Variants in NT5C2 observed in about 807,000 individuals in gnomAD.
The protein encoded by NT5C2 is cytosolic purine 5'-nucleotidase.
NT5C2 carries 58 observed loss-of-function variants against 76.1 expected under a neutral mutation model. The observed-to-expected ratio is 0.76, with a 90% confidence interval of 0.62 to 0.95. NT5C2 has a LOEUF of 0.95. NT5C2 is among the 40% of genes least tolerant of loss of function. The pLI, the probability that NT5C2 is intolerant of heterozygous loss-of-function variation, is 0.00. For synonymous variants in NT5C2, 229 were observed against 237.4 expected (o/e 0.96, Z 0.32); for missense variants, 478 against 690.3 (o/e 0.69, Z 3.45).
intron 4 of NT5C2, among the ~76,000 whole-genome samples, chr10:103,119,979 G>A (rs543441897): frequency 6.6e-6 from 1 of 152,066 alleles, no homozygotes; most frequent in East Asian, 1.9e-4. Flanking sequence ...CGAGCCTATA[G>A]TCCCAGCTAC....
rs1285480024 is a variant in NT5C2, at chr10:103,172,908, T to C, written c.101+1950A>G. 3.9e-5 allele frequency among the ~76,000 whole-genome samples: 6 copies of C among 152,324 alleles called. No homozygotes were observed. The East Asian group carries it at 1.2e-3, about 29-fold the overall frequency. On this transcript the variant is annotated intron_variant, in intron 3 of 18. Transcript: ENST00000404739. ...GCCTGTACTCAGCTACTCAGACAGCTGAGGCAGGAGAATTGCTTGAACCCA... is the reference window on the plus strand; with the variant it reads ...GCCTGTACTCAGCTACTCAGACAGCCGAGGCAGGAGAATTGCTTGAACCCA...
chr10:103,127,279 A>G (rs2076843902), intron 4 of NT5C2, among the ~76,000 whole-genome samples: 1 of 152,246 alleles, frequency 6.6e-6, no homozygotes, highest in Non-Finnish European at 1.5e-5. Flanking sequence ...TTTAGGTTCA[A>G]GACAACCAGG....
intron 4 of NT5C2, chr10:103,111,869 G>A (rs2073127858): frequency 2.9e-6 from 3 of 1,029,732 alleles, no homozygotes; most frequent in East Asian, 3.2e-5. Flanking sequence ...TTTTAAAACT[G>A]TTGTGATGGG....
intron 4 of NT5C2, among the ~76,000 whole-genome samples, chr10:103,119,548 G>GT (rs1439595799): frequency 6.6e-6 from 1 of 152,088 alleles, no homozygotes; most frequent in Non-Finnish European, 1.5e-5. Context: ...TCATGACCTA[G>GT]GACAATGAGA....
At chr10:103,155,864 T>G (rs529448564) in intron 3 of NT5C2, among the ~76,000 whole-genome samples, 7 of 152,270 alleles carry the variant, frequency 4.6e-5, no homozygotes, top group African/African-American at 1.7e-4. Context: ...ATTATAACAT[T>G]ATTTAAAAAA....
At chr10:103,174,452 T>A (rs901414927) in intron 3 of NT5C2, among the ~76,000 whole-genome samples, 1 of 152,132 alleles carries the variant, frequency 6.6e-6, no homozygotes, top group Non-Finnish European at 1.5e-5. Context: ...ACACCTGTAG[T>A]CTCAGCTACT....
chr10:103,098,943 A>C lies in NT5C2; in HGVS notation c.675T>G (p.Tyr225Ter). ...KEKTVENLEK[Y>*]VVKDGKLPLL... ...CTATATTACTTACATCTTTGACTACATACTTCTCAAGATTTTCAACTGTCT... is the reference window on the plus strand; with the variant it reads ...CTATATTACTTACATCTTTGACTACCTACTTCTCAAGATTTTCAACTGTCT... Residue 225 changes from tyrosine to a stop codon, truncating the protein, a stop_gained, in exon 10 of 19, where the codon TAT (tyrosine) becomes TAG (stop). Coordinates refer to ENST00000404739, the MANE Select transcript of NT5C2 (RefSeq NM_001351169.2). LOFTEE classifies it high-confidence loss of function. The C allele has an allele frequency of 6.2e-7, 1 of 1,606,716 alleles. No individual in the cohort carries two copies. Among genetic ancestry groups the C allele is most frequent in the Non-Finnish European group, 8.5e-7 (1 of 1,174,226 alleles).
In NT5C2 at chr10:103,152,596, G is replaced by A. The variant is rs1355736685; in HGVS notation, c.102-13117C>T. ...CTGTATTTTTAAAGAATTTTTTTGA[G>A]AGATTTATGTCCTATTTTATTAAAA... On this transcript the variant is annotated intron_variant, in intron 3 of 18. Transcript: ENST00000404739. 7.9e-5 allele frequency among the ~76,000 whole-genome samples: 12 copies of A among 152,176 alleles called. No individual in the cohort carries two copies. In the East Asian group the frequency reaches 1.7e-3, roughly 22 times the overall value.
rs560026223 is a variant in NT5C2 at position 103,148,650 on chromosome 10, A to G, written c.102-9171T>C. Among the ~76,000 whole-genome samples, 32 of 152,228 alleles carry G rather than the reference A, an allele frequency of 2.1e-4. 1 individual carries two copies. In the South Asian group the frequency reaches 6.4e-3, roughly 31 times the overall value. On this transcript the variant is annotated intron_variant, in intron 3 of 18. Coordinates refer to ENST00000404739, the MANE Select transcript of NT5C2 (RefSeq NM_001351169.2). Reference sequence around the variant, plus strand: ...CCTCCTGTGCATTAAAAATCTGAACAGTGCTCACTTCGGCAGCACACACAC... The same window carrying G: ...CCTCCTGTGCATTAAAAATCTGAACGGTGCTCACTTCGGCAGCACACACAC...
chr10:103,157,638 A>G (rs528275199), intron 3 of NT5C2, among the ~76,000 whole-genome samples: 21 of 152,354 alleles, frequency 1.4e-4, no homozygotes, highest in African/African-American at 4.8e-4. Flanking sequence ...AGCAGAATAC[A>G]CATTCTTGTC....
chr10:103,158,326 AAAG>A (rs1409301913), intron 3 of NT5C2, among the ~76,000 whole-genome samples: 11 of 152,100 alleles, frequency 7.2e-5, no homozygotes, highest in East Asian at 3.8e-4. Context: ...AATTATAGAA[AAAG>A]AAGAACAAAA....
intron 12 of NT5C2, 25 bp downstream of exon 12, chr10:103,095,914 T>C: frequency 2.5e-6 from 4 of 1,590,476 alleles, no homozygotes; most frequent in Non-Finnish European, 3.5e-6. Context: ...ATTAAAGCAG[T>C]GGTCTATTGA....
chr10:103,088,949 A>ATTCT lies in NT5C2; in HGVS notation c.*719_*722dup, dbSNP rs1244721787. ...TGTTCCTTTGTCCACTTGCAGCTAA[A>ATTCT]TTCTTTCTATAGATTTATCACAGAT... On this transcript the variant is annotated 3_prime_UTR_variant, in exon 19 of 19. Transcript: ENST00000404739. The ATTCT allele has an allele frequency of 2.8e-5, 6 of 210,916 alleles. No homozygotes were observed. Among genetic ancestry groups the ATTCT allele is most frequent in the East Asian group, 1.4e-4 (2 of 14,008 alleles). 13.1% of individuals were successfully genotyped at this position (210,916 alleles called of 1,614,324 possible). A position where few individuals can be genotyped will look rare whatever the true frequency, so the allele number is the denominator to read the frequency against.
chr10:103,139,607 T>A, intron 3 of NT5C2, 128 bp from the exon 4 acceptor site: 1 of 646,594 alleles, frequency 1.5e-6, no homozygotes, highest in East Asian at 3.0e-5. Context: ...ACTTTTAAAA[T>A]TATATATTAA....
chr10:103,115,299 G>T (rs1480833476), intron 4 of NT5C2, among the ~76,000 whole-genome samples: 1 of 152,190 alleles, frequency 6.6e-6, no homozygotes, highest in East Asian at 1.9e-4. Context: ...CTACTCAGGA[G>T]GCTGAGGCAG....
intron 6 of NT5C2, chr10:103,105,329 A>T (rs1564980400): frequency 1.3e-6 from 1 of 750,806 alleles, no homozygotes; most frequent in Non-Finnish European, 1.8e-6. Flanking sequence ...ATAGTTTAAA[A>T]TTTTTTCAAA....
Position 103,184,259 on chromosome 10 carries a change from TTTTG to T in NT5C2, c.-168-2935_-168-2932del, listed in dbSNP as rs547167654. Among the ~76,000 whole-genome samples the T allele has an allele frequency of 2.5e-3, 386 of 152,300 alleles. 2 individuals are homozygous for T. Among genetic ancestry groups the T allele is most frequent in the African/African-American group, 8.9e-3 (372 of 41,568 alleles). ...CCGTGCCCAGCCTATAAACAAGTTT[TTTTG>T]TTTATTTTTCATTTCATTATTTTCA... On this transcript the variant is annotated intron_variant, in intron 1 of 18. Coordinates refer to ENST00000404739, the MANE Select transcript of NT5C2 (RefSeq NM_001351169.2).
rs146543297 is a variant in NT5C2, at chr10:103,183,865, G to T, written c.-168-2537C>A. 1.8e-4 allele frequency among the ~76,000 whole-genome samples: 28 copies of T among 151,420 alleles called. No individual in the cohort carries two copies. In the East Asian group the frequency reaches 5.2e-3, roughly 28 times the overall value. ...GAAGAAATGCCTATTTTTCCAGAAG[G>T]CTCCTTGAAACTGTTGCATTTAAAT... is the stretch of plus-strand genomic sequence containing the variant. On this transcript the variant is annotated intron_variant, in intron 1 of 18. Coordinates refer to ENST00000404739, the MANE Select transcript of NT5C2 (RefSeq NM_001351169.2).
chr10:103,103,507 G>A (rs1442682671), intron 6 of NT5C2, among the ~76,000 whole-genome samples: 1 of 152,044 alleles, frequency 6.6e-6, no homozygotes, highest in Admixed American at 6.6e-5. Flanking sequence ...CATTTATTAG[G>A]CAGTTAGAAC....
Sources: allele counts gnomAD v4.1 joint callset (sites outside exome capture counted in the v4.1 genomes callset), GRCh38; gene constraint gnomAD v4.1.1; transcripts MANE v1.5; gene names NCBI Gene and HGNC (gene_info 2026-07-23, HGNC 2026-07-21).